The following SUGCT variants were observed in gnomAD, a reference collection of about 807,000 sequenced individuals.
SUGCT encodes succinyl-CoA:glutarate CoA-transferase.
SUGCT carries 41 observed loss-of-function variants against 55.0 expected under a neutral mutation model. The observed-to-expected ratio is 0.74, with a 90% CI of 0.58 to 0.97. The LOEUF is 0.97. SUGCT is among the 50% of genes least tolerant of loss of function. The probability of loss-of-function intolerance (pLI) is 0.00; values close to 1 mark genes in which losing one functional copy is unlikely to be tolerated. For synonymous variants in SUGCT, 187 were observed against 200.4 expected (o/e 0.93, Z 0.56); for missense variants, 568 against 547.8 (o/e 1.04, Z -0.37).
chr7:40,881,440 T>A, the SUGCT span, among the ~76,000 whole-genome samples: 1 of 152,324 alleles, frequency 6.6e-6, no homozygotes, highest in East Asian at 1.9e-4. Flanking sequence ...CTCTGTCAAG[T>A]TGAGCCCCCT....
the SUGCT span, among the ~76,000 whole-genome samples, chr7:41,036,857 G>C: frequency 7.8e-3 from 1,192 of 152,196 alleles, 12 homozygotes; most frequent in African/African-American, 0.026. Context: ...TGTACCTTAA[G>C]CTTGGCATTT....
the SUGCT span, among the ~76,000 whole-genome samples, chr7:40,888,654 T>C: frequency 6.6e-6 from 1 of 152,088 alleles, no homozygotes; most frequent in Non-Finnish European, 1.5e-5. Context: ...TTGGGTGTGG[T>C]AAACTGGAAC....
intron 12 of SUGCT, among the ~76,000 whole-genome samples, chr7:40,563,593 A>C (rs1298975288): frequency 6.6e-6 from 1 of 151,784 alleles, no homozygotes; most frequent in Non-Finnish European, 1.5e-5. Context: ...GTGCCCCTAT[A>C]TTCCCAATTA....
At position 40,733,024 on chromosome 7, in the gene SUGCT, G is replaced by A. The variant is rs150856968; in HGVS notation, c.1090-16410G>A. 5.1e-4 allele frequency among the ~76,000 whole-genome samples: 78 copies of A among 152,238 alleles called. No homozygotes were observed. The East Asian group carries it at 0.014, about 26-fold the overall frequency. ...CAGGAGGCAGAGGTGAGCTGAAATT[G>A]TGCTGCTGCACTCCAGCCTGGGCGA... On this transcript the variant is annotated intron_variant, in intron 12 of 13. Transcript: ENST00000335693.
the SUGCT span, among the ~76,000 whole-genome samples, chr7:41,033,635 A>C: frequency 6.6e-6 from 1 of 152,142 alleles, no homozygotes; most frequent in Non-Finnish European, 1.5e-5. Context: ...AAATGTGCAC[A>C]TGCAGGAATT....
the SUGCT span, among the ~76,000 whole-genome samples, chr7:41,031,868 C>T: frequency 1.2e-3 from 180 of 152,222 alleles, 1 homozygote; most frequent in African/African-American, 4.2e-3. Flanking sequence ...CTTCTCTCCA[C>T]CTTGTACTTA....
intron 12 of SUGCT, among the ~76,000 whole-genome samples, chr7:40,588,924 G>T (rs1016332602): frequency 2.0e-5 from 3 of 151,952 alleles, no homozygotes; most frequent in South Asian, 2.1e-4. Flanking sequence ...GCATACATTT[G>T]CAGAGAAAAC....
At chr7:40,499,047 G>T (rs2151524833) in intron 12 of SUGCT, 1 of 456,602 alleles carries the variant, frequency 2.2e-6, no homozygotes, top group Non-Finnish European at 4.4e-6. Flanking sequence ...CTGATGAGCT[G>T]CAGAGTTTCT....
intron 13 of SUGCT, among the ~76,000 whole-genome samples, chr7:40,830,674 A>G (rs1345502624): frequency 6.6e-6 from 1 of 152,146 alleles, no homozygotes; most frequent in Non-Finnish European, 1.5e-5. Flanking sequence ...GGCCTATAGT[A>G]GGCACTCAAC....
chr7:40,212,542 T>G (rs1301722520), intron 6 of SUGCT, among the ~76,000 whole-genome samples: 1 of 152,058 alleles, frequency 6.6e-6, no homozygotes, highest in Non-Finnish European at 1.5e-5. Context: ...ATATTTTTTT[T>G]TTGTTTGTTT....
At chr7:40,566,554 C>T (rs778087285) in intron 12 of SUGCT, among the ~76,000 whole-genome samples, 28 of 152,212 alleles carry the variant, frequency 1.8e-4, no homozygotes, top group South Asian at 2.1e-4. Context: ...CTTCCATCAA[C>T]TTCAGTTCTT....
At chr7:40,863,569 C>T (rs1794531412), downstream of SUGCT, among the ~76,000 whole-genome samples, 1 of 152,136 alleles carries the variant, frequency 6.6e-6, no homozygotes, top group Admixed American at 6.5e-5. Context: ...ATCTTCAGCC[C>T]CTTCTCATAA....
At chr7:40,597,494 C>T (rs1798072157) in intron 12 of SUGCT, among the ~76,000 whole-genome samples, 1 of 152,104 alleles carries the variant, frequency 6.6e-6, no homozygotes, top group Non-Finnish European at 1.5e-5. Flanking sequence ...GTCATCAGTG[C>T]TGTTTACCAA....
chr7:40,578,661 G>C (rs750316785), intron 12 of SUGCT, among the ~76,000 whole-genome samples: 62 of 152,128 alleles, frequency 4.1e-4, no homozygotes, highest in Non-Finnish European at 4.9e-4. Flanking sequence ...ATGAGTCTCT[G>C]AGAATATAGC....
chr7:40,221,018 A>G (rs1025419650), intron 6 of SUGCT, among the ~76,000 whole-genome samples: 4 of 152,250 alleles, frequency 2.6e-5, no homozygotes, highest in African/African-American at 9.6e-5. Flanking sequence ...GATACAAAAT[A>G]TATGAATATG....
intron 13 of SUGCT, among the ~76,000 whole-genome samples, chr7:40,798,517 GA>G (rs1440646732): frequency 9.2e-5 from 14 of 152,270 alleles, no homozygotes; most frequent in African/African-American, 2.9e-4. Flanking sequence ...GAAAAAGTCA[GA>G]AGCTTTAGTC....
chr7:40,637,098 T>C (rs980392193), intron 12 of SUGCT, among the ~76,000 whole-genome samples: 15 of 152,226 alleles, frequency 9.9e-5, no homozygotes, highest in African/African-American at 3.6e-4. Flanking sequence ...GGATGACTGA[T>C]GAAGCTCATG....
chr7:40,443,164 A>G (rs1788613702), intron 9 of SUGCT, among the ~76,000 whole-genome samples: 1 of 152,198 alleles, frequency 6.6e-6, no homozygotes, highest in East Asian at 1.9e-4. Context: ...GCTATTGTGA[A>G]TAGTGCCGCA....
chr7:40,718,828 A>G (rs920907145), intron 12 of SUGCT, among the ~76,000 whole-genome samples: 3 of 152,248 alleles, frequency 2.0e-5, no homozygotes, highest in African/African-American at 7.2e-5. Flanking sequence ...AACTCTGGGA[A>G]CAAATTCTTA....
Sources: gnomAD v4.1 joint callset for allele counts (sites outside exome capture counted in the v4.1 genomes callset) on GRCh38, gnomAD v4.1.1 for gene constraint, MANE v1.5 for transcripts, NCBI Gene and HGNC (gene_info 2026-07-23, HGNC 2026-07-21) for gene names.